Variants in SCHIP1 observed in about 807,000 individuals in gnomAD.
SCHIP1 encodes the protein schwannomin interacting protein 1.
SCHIP1 carries 8 observed loss-of-function variants against 29.7 expected under a neutral mutation model. The observed-to-expected ratio is 0.27, with a 90% confidence interval of 0.16 to 0.49. The LOEUF is 0.49. Among genes scored for constraint, SCHIP1 ranks in the 20% least tolerant of loss-of-function variants. SCHIP1 has a pLI of 0.99. For synonymous variants in SCHIP1, 76 were observed against 94.9 expected (o/e 0.80, Z 1.16); for missense variants, 193 against 294.6 (o/e 0.66, Z 2.52).
chr3:159,480,910 TA>T, the SCHIP1 span, among the ~76,000 whole-genome samples: 2 of 151,836 alleles, frequency 1.3e-5, no homozygotes, highest in African/African-American at 2.4e-5. Context: ...CGAAGGGAGA[TA>T]GGGGTGGAGC....
the SCHIP1 span, among the ~76,000 whole-genome samples, chr3:159,390,204 A>G: frequency 2.9e-4 from 44 of 152,244 alleles, no homozygotes; most frequent in African/African-American, 9.6e-4. Context: ...GAGTCAGGAT[A>G]GGACTTTTGT....
the SCHIP1 span, among the ~76,000 whole-genome samples, chr3:159,421,004 C>T: frequency 1.4e-4 from 22 of 152,272 alleles, no homozygotes; most frequent in South Asian, 2.7e-3. Flanking sequence ...CTGAAAGTTT[C>T]GAAAACCTCA....
At chr3:159,689,092 G>T in the SCHIP1 span, among the ~76,000 whole-genome samples, 1 of 152,148 alleles carries the variant, frequency 6.6e-6, no homozygotes, top group Non-Finnish European at 1.5e-5. Context: ...CTCCTTTTTG[G>T]TTCCATATGA....
At chr3:159,751,380 C>G in the SCHIP1 span, among the ~76,000 whole-genome samples, 37 of 152,322 alleles carry the variant, frequency 2.4e-4, no homozygotes, top group African/African-American at 8.7e-4. Context: ...CTCCTTCAGT[C>G]TGTTATGACC....
chr3:159,562,329 A>T, the SCHIP1 span, among the ~76,000 whole-genome samples: 1 of 152,196 alleles, frequency 6.6e-6, no homozygotes. Context: ...ACTGCTGAGG[A>T]AAGTATAGTT....
At chr3:159,442,929 G>C in the SCHIP1 span, among the ~76,000 whole-genome samples, 1 of 152,148 alleles carries the variant, frequency 6.6e-6, no homozygotes, top group Non-Finnish European at 1.5e-5. Flanking sequence ...ATTATCCCAA[G>C]GCTTATGATT....
At chr3:159,895,176 A>G (rs1717940001) in intron 6 of SCHIP1, among the ~76,000 whole-genome samples, 1 of 152,288 alleles carries the variant, frequency 6.6e-6, no homozygotes, top group Non-Finnish European at 1.5e-5. Flanking sequence ...GCTAAAGGGG[A>G]CAGATTTTTT....
intron 1 of SCHIP1, among the ~76,000 whole-genome samples, chr3:159,863,238 G>A (rs1362753348): frequency 2.0e-5 from 3 of 152,132 alleles, no homozygotes; most frequent in Non-Finnish European, 4.4e-5. Flanking sequence ...TACTCAGGAG[G>A]CTAAGGCAGG....
chr3:159,503,384 T>A, the SCHIP1 span, among the ~76,000 whole-genome samples: 1 of 152,346 alleles, frequency 6.6e-6, no homozygotes, highest in African/African-American at 2.4e-5. Flanking sequence ...TTACTACACA[T>A]GGTAAATAAT....
chr3:159,542,232 G>A, the SCHIP1 span, among the ~76,000 whole-genome samples: 1 of 151,972 alleles, frequency 6.6e-6, no homozygotes, highest in South Asian at 2.1e-4. Flanking sequence ...CATTGTCGAG[G>A]TGTAATTGAC....
the SCHIP1 span, among the ~76,000 whole-genome samples, chr3:159,711,213 T>TTTTCCACCA: frequency 2.4e-5 from 2 of 81,942 alleles, no homozygotes; most frequent in South Asian, 3.5e-4. Flanking sequence ...TTTAAAAAAT[T>TTTTCCACCA]AGCCGGGCGT....
the SCHIP1 span, among the ~76,000 whole-genome samples, chr3:159,506,449 G>A: frequency 1.3e-5 from 2 of 152,158 alleles, no homozygotes; most frequent in African/African-American, 4.8e-5. Context: ...TTCTTTTGCT[G>A]TGCAGAAGCT....
chr3:159,813,623 G>T, the SCHIP1 span, among the ~76,000 whole-genome samples: 1 of 152,040 alleles, frequency 6.6e-6, no homozygotes, highest in African/African-American at 2.4e-5. Context: ...AGGAGTTCGA[G>T]GCTGCACTGA....
chr3:159,354,416 C>T, the SCHIP1 span, among the ~76,000 whole-genome samples: 9 of 152,100 alleles, frequency 5.9e-5, 1 homozygote, highest in African/African-American at 2.2e-4. Context: ...AGGAATTTCC[C>T]CCTGAATATT....
At chr3:159,606,144 TAG>T in the SCHIP1 span, among the ~76,000 whole-genome samples, 1 of 152,218 alleles carries the variant, frequency 6.6e-6, no homozygotes, top group African/African-American at 2.4e-5. Context: ...TTCATAAGCA[TAG>T]AGTCCAGTGG....
At chr3:159,816,629 A>T in the SCHIP1 span, among the ~76,000 whole-genome samples, 2 of 152,318 alleles carry the variant, frequency 1.3e-5, no homozygotes, top group Admixed American at 6.5e-5. Flanking sequence ...CTGACTGCCT[A>T]TTCAAGTGTG....
At chr3:159,827,601 C>G in the SCHIP1 span, among the ~76,000 whole-genome samples, 2 of 151,954 alleles carry the variant, frequency 1.3e-5, no homozygotes, top group Non-Finnish European at 2.9e-5. Flanking sequence ...GTCAGGAGAT[C>G]GAGACCATCC....
the SCHIP1 span, among the ~76,000 whole-genome samples, chr3:159,773,872 G>A: frequency 6.6e-6 from 1 of 152,172 alleles, no homozygotes; most frequent in Non-Finnish European, 1.5e-5. Flanking sequence ...CCTCCAAAAG[G>A]AGAAATAACA....
the SCHIP1 span, among the ~76,000 whole-genome samples, chr3:159,561,400 C>T: frequency 6.6e-6 from 1 of 152,200 alleles, no homozygotes. Context: ...CTTTCTTAAA[C>T]ACCTTGCAGT....
Sources: gnomAD v4.1 joint callset for allele counts (sites outside exome capture counted in the v4.1 genomes callset) on GRCh38, gnomAD v4.1.1 for gene constraint, MANE v1.5 for transcripts, NCBI Gene and HGNC (gene_info 2026-07-23, HGNC 2026-07-21) for gene names.